The following SH3GL2 variants were observed in gnomAD, a reference collection of about 807,000 sequenced individuals.
The protein encoded by SH3GL2 is SH3 domain containing GRB2 like 2, endophilin A1.
A neutral mutation model predicts 46.0 loss-of-function variants in SH3GL2; 24 were observed. The observed-to-expected ratio is 0.52, with a 90% CI of 0.38 to 0.73. SH3GL2 has a LOEUF of 0.73. SH3GL2 is among the 30% of genes least tolerant of loss of function. SH3GL2 has a pLI of 0.00. For synonymous variants in SH3GL2, 196 were observed against 147.1 expected (o/e 1.33, Z -2.40); for missense variants, 413 against 424.2 (o/e 0.97, Z 0.23).
chr9:17,599,114 A>G (rs899200759), intron 1 of SH3GL2, among the ~76,000 whole-genome samples: 3 of 152,204 alleles, frequency 2.0e-5, no homozygotes, highest in African/African-American at 7.2e-5. Flanking sequence ...TGAGAAATAA[A>G]ATTTAATCCT....
At chr9:17,610,905 C>G (rs1818851020) in intron 1 of SH3GL2, among the ~76,000 whole-genome samples, 1 of 152,092 alleles carries the variant, frequency 6.6e-6, no homozygotes, top group East Asian at 1.9e-4. Flanking sequence ...AGGTTGTAGG[C>G]TCTGTATGGT....
intron 1 of SH3GL2, among the ~76,000 whole-genome samples, chr9:17,738,651 G>GAC (rs1822431492): frequency 1.1e-5 from 1 of 87,416 alleles, no homozygotes; most frequent in Non-Finnish European, 2.5e-5. Context: ...TAGAGAGAGA[G>GAC]AGAGAGAGAG....
chr9:17,683,657 C>G (rs1242118511), intron 1 of SH3GL2, among the ~76,000 whole-genome samples: 4 of 152,044 alleles, frequency 2.6e-5, no homozygotes, highest in Admixed American at 2.0e-4. Context: ...TACTTCCTCT[C>G]TACATACACC....
Position 17,665,143 on chromosome 9 carries a change from C to T in SH3GL2, c.46-81923C>T, listed in dbSNP as rs1820312860. Among the ~76,000 whole-genome samples, 3 of 151,606 alleles carry T rather than the reference C, an allele frequency of 2.0e-5. No homozygotes were observed. The South Asian group carries it at 6.2e-4, about 31-fold the overall frequency. ...TTTTCTCTGAACCGTTTAAGAGTTC[C>T]TGTAGACTAACCCTTAACTGTTTCA... On this transcript the variant is annotated intron_variant, in intron 1 of 8. Transcript: ENST00000380607.
intron 1 of SH3GL2, among the ~76,000 whole-genome samples, chr9:17,648,376 G>GTACA (rs2134660694): frequency 6.6e-6 from 1 of 152,290 alleles, no homozygotes; most frequent in East Asian, 1.9e-4. Context: ...CTACACAAAG[G>GTACA]TACATAGGAA....
intron 1 of SH3GL2, among the ~76,000 whole-genome samples, chr9:17,626,730 A>G (rs16935807): frequency 0.023 from 3,454 of 152,230 alleles, 135 homozygotes; most frequent in African/African-American, 0.079. Context: ...CTTTCTGCAG[A>G]TTCTTGTGGA....
chr9:17,731,248 T>C (rs951218538), intron 1 of SH3GL2, among the ~76,000 whole-genome samples: 1 of 152,108 alleles, frequency 6.6e-6, no homozygotes, highest in East Asian at 1.9e-4. Context: ...AATGTTTGTG[T>C]TCCCCCAAAT....
intron 2 of SH3GL2, among the ~76,000 whole-genome samples, chr9:17,753,236 G>T (rs563415441): frequency 1.3e-5 from 2 of 152,292 alleles, no homozygotes; most frequent in Admixed American, 6.5e-5. Flanking sequence ...TAATGGGATT[G>T]CTGGGTCAAA....
intron 1 of SH3GL2, among the ~76,000 whole-genome samples, chr9:17,673,376 A>T (rs538096567): frequency 7.3e-5 from 11 of 151,206 alleles, no homozygotes; most frequent in African/African-American, 2.7e-4. Context: ...CTGGTCCCGA[A>T]TGCAGGCTCA....
At chr9:17,644,236 A>G (rs1819752633) in intron 1 of SH3GL2, among the ~76,000 whole-genome samples, 1 of 150,920 alleles carries the variant, frequency 6.6e-6, no homozygotes. Context: ...TTTCTTCTTT[A>G]TTAGTCTGGC....
rs115007737 is a variant in SH3GL2 at position 17,658,755 on chromosome 9, C to G, written c.45+79468C>G. 2.8e-3 allele frequency among the ~76,000 whole-genome samples: 421 copies of G among 152,300 alleles called. 2 individuals carry two copies. Among genetic ancestry groups the G allele is most frequent in the Middle Eastern group, 0.01 (3 of 294 alleles). On this transcript the variant is annotated intron_variant, in intron 1 of 8. Coordinates refer to ENST00000380607, the MANE Select transcript of SH3GL2 (RefSeq NM_003026.5). ...CCTAGCTAATTCTCAGGGTTTCTTC[C>G]AGTATTGAACTTGTCTGAAAAGCTG...
intron 3 of SH3GL2, 107 bp from the exon 4 acceptor site, chr9:17,786,274 T>C (rs1823954167): frequency 6.0e-6 from 6 of 998,058 alleles, no homozygotes; most frequent in Non-Finnish European, 9.0e-6. Context: ...CACTTATCAG[T>C]AGCTGAGCTA....
intron 1 of SH3GL2, among the ~76,000 whole-genome samples, chr9:17,620,226 C>G (rs1309202394): frequency 1.3e-5 from 2 of 152,154 alleles, no homozygotes; most frequent in Non-Finnish European, 2.9e-5. Context: ...CTGAATCTTA[C>G]TGGTATGTGA....
Position 17,579,344 on chromosome 9 carries a change from C to G in SH3GL2, c.45+57C>G, listed in dbSNP as rs540233541. On this transcript the variant is annotated intron_variant, in intron 1 of 8. Transcript: ENST00000380607. ...GTCCGGGGCGAAGCTGCGAGGGGCG[C>G]GCTCGGCGCTGGCCGTCCGGCGGCA... The G allele has an allele frequency of 2.2e-4, 276 of 1,277,308 alleles. 2 individuals are homozygous for G. In the African/African-American group the frequency reaches 3.4e-3, roughly 16 times the overall value. 79.1% of individuals were successfully genotyped at this position (1,277,308 alleles called of 1,614,324 possible). A position where few individuals can be genotyped will look rare whatever the true frequency, so the allele number is the denominator to read the frequency against.
chr9:17,646,396 C>T (rs1414086593), intron 1 of SH3GL2, among the ~76,000 whole-genome samples: 1 of 152,098 alleles, frequency 6.6e-6, no homozygotes, highest in Non-Finnish European at 1.5e-5. Flanking sequence ...AACTCCTTCT[C>T]TGTCCAGTTT....
intron 1 of SH3GL2, among the ~76,000 whole-genome samples, chr9:17,655,842 G>A (rs1820062184): frequency 6.6e-6 from 1 of 152,174 alleles, no homozygotes. Flanking sequence ...GCCTTCATCT[G>A]GAACCAGCCT....
intron 1 of SH3GL2, among the ~76,000 whole-genome samples, chr9:17,645,513 T>G (rs1313968526): frequency 3.9e-5 from 6 of 152,116 alleles, no homozygotes; most frequent in Non-Finnish European, 7.4e-5. Context: ...CTGGTACTGG[T>G]TTTTCCTTAC....
At chr9:17,593,599 A>G (rs1488291221) in intron 1 of SH3GL2, among the ~76,000 whole-genome samples, 5 of 152,162 alleles carry the variant, frequency 3.3e-5, no homozygotes, top group African/African-American at 7.2e-5. Context: ...GGCCCTTCCC[A>G]TACATAATTT....
chr9:17,654,570 G>A (rs988964844), intron 1 of SH3GL2, among the ~76,000 whole-genome samples: 13 of 152,100 alleles, frequency 8.5e-5, no homozygotes, highest in African/African-American at 3.1e-4. Flanking sequence ...GGCTTGGAAT[G>A]AATAGAATTT....
Sources: gnomAD v4.1 joint callset for allele counts (sites outside exome capture counted in the v4.1 genomes callset) on GRCh38, gnomAD v4.1.1 for gene constraint, MANE v1.5 for transcripts, NCBI Gene and HGNC (gene_info 2026-07-23, HGNC 2026-07-21) for gene names.